The following NRG3 variants were observed in gnomAD, a reference collection of about 807,000 sequenced individuals.
NRG3 encodes neuregulin 3.
A neutral mutation model predicts 66.9 loss-of-function variants in NRG3; 31 were observed. The ratio of observed to expected loss-of-function variants is 0.46; its 90% CI spans 0.35 to 0.63. NRG3 has a LOEUF of 0.63. NRG3 is among the 20% of genes least tolerant of loss of function. NRG3 has a pLI of 0.00. For missense variants in NRG3, 910 were observed against 878.9 expected (o/e 1.04, Z -0.45); for synonymous variants, 393 against 359.4 (o/e 1.09, Z -1.06).
chr10:82,002,915 G>C (rs2061230018), intron 1 of NRG3, among the ~76,000 whole-genome samples: 1 of 152,226 alleles, frequency 6.6e-6, no homozygotes, highest in East Asian at 1.9e-4. Flanking sequence ...ATGCTTGGAA[G>C]AGGGGGAGAG....
chr10:82,457,038 G>C (rs779278332), intron 2 of NRG3, among the ~76,000 whole-genome samples: 3 of 152,040 alleles, frequency 2.0e-5, no homozygotes, highest in Non-Finnish European at 4.4e-5. Context: ...ACAGTATTAG[G>C]ATATCTTTGA....
At chr10:82,048,753 G>A (rs1399956437) in intron 1 of NRG3, among the ~76,000 whole-genome samples, 1 of 151,662 alleles carries the variant, frequency 6.6e-6, no homozygotes, top group Non-Finnish European at 1.5e-5. Context: ...TAAAATCAGA[G>A]CAGAACTGAA....
At chr10:82,581,502 A>G (rs1043501396) in intron 2 of NRG3, among the ~76,000 whole-genome samples, 1 of 152,030 alleles carries the variant, frequency 6.6e-6, no homozygotes, top group Non-Finnish European at 1.5e-5. Context: ...ATGGTACTTC[A>G]TATAAAATTA....
intron 2 of NRG3, among the ~76,000 whole-genome samples, chr10:82,574,326 G>A (rs1039106674): frequency 1.3e-5 from 2 of 151,746 alleles, no homozygotes; most frequent in African/African-American, 4.8e-5. Context: ...ATATGTGGGA[G>A]CTAAACAAGT....
intron 2 of NRG3, among the ~76,000 whole-genome samples, chr10:82,605,116 T>C (rs137881643): frequency 6.6e-6 from 1 of 152,202 alleles, no homozygotes; most frequent in East Asian, 1.9e-4. Context: ...TTACTTTGTT[T>C]CTGATCTTAG....
chr10:82,075,995 T>TA (rs2065071215), intron 1 of NRG3, among the ~76,000 whole-genome samples: 1 of 149,284 alleles, frequency 6.7e-6, no homozygotes, highest in Non-Finnish European at 1.5e-5. Flanking sequence ...AGGAAATGAG[T>TA]AAAAAGACTG....
chr10:82,743,110 G>A (rs2058499028), intron 3 of NRG3, among the ~76,000 whole-genome samples: 1 of 152,086 alleles, frequency 6.6e-6, no homozygotes. Flanking sequence ...CCCACCCTGT[G>A]CCTTTCTCTC....
At chr10:82,228,150 T>C (rs1414770) in intron 1 of NRG3, among the ~76,000 whole-genome samples, 6,233 of 152,268 alleles carry the variant, frequency 0.041, 176 homozygotes, top group Middle Eastern at 0.13. Context: ...TTCTAATTTA[T>C]GAATGCAATT....
intron 2 of NRG3, among the ~76,000 whole-genome samples, chr10:82,576,007 T>A (rs1272368915): frequency 6.6e-6 from 1 of 151,742 alleles, no homozygotes; most frequent in Non-Finnish European, 1.5e-5. Flanking sequence ...TGGAAGTGAC[T>A]ACAAAGTGAC....
chr10:82,563,496 T>C (rs1303831352), intron 2 of NRG3, among the ~76,000 whole-genome samples: 1 of 152,074 alleles, frequency 6.6e-6, no homozygotes, highest in Non-Finnish European at 1.5e-5. Flanking sequence ...AGATTTTTTC[T>C]AATTTTTTAT....
At position 81,875,898 on chromosome 10, in the gene NRG3, C is replaced by T; in HGVS notation, c.558C>T (p.Asn186=). 1 of 1,612,528 alleles carries T rather than the reference C, an allele frequency of 6.2e-7. No individual in the cohort carries two copies. The highest frequency in any genetic ancestry group is 8.5e-7 in the Non-Finnish European group (1 of 1,179,962). The change falls in exon 1 of 9, where the codon AAC becomes AAT. Residue 186 remains asparagine (N), a synonymous_variant. Coordinates refer to ENST00000372141, the MANE Select transcript of NRG3 (RefSeq NM_001010848.4). The surrounding 1 kb of genome is among the most constrained non-coding windows in gnomAD (Gnocchi z 5.3). ...RASPRSTTAR[N]TAAPATVPST... ...GCCCGCGCTCCACCACAGCACGGAA[C>T]ACTGCGGCCCCTGCGACGGTCCCGT... is the stretch of plus-strand genomic sequence containing the variant.
At chr10:82,268,608 G>A (rs533055685) in intron 1 of NRG3, among the ~76,000 whole-genome samples, 1 of 152,174 alleles carries the variant, frequency 6.6e-6, no homozygotes, top group African/African-American at 2.4e-5. Context: ...GAAAACAGCA[G>A]GTCCAAGTGT....
intron 3 of NRG3, among the ~76,000 whole-genome samples, chr10:82,766,418 C>T (rs1052399562): frequency 1.3e-5 from 2 of 152,082 alleles, no homozygotes; most frequent in African/African-American, 4.8e-5. Context: ...GAAAACACTT[C>T]TTTCACACTT....
chr10:82,366,902 T>C (rs914914654), intron 2 of NRG3, among the ~76,000 whole-genome samples: 1 of 152,186 alleles, frequency 6.6e-6, no homozygotes, highest in Non-Finnish European at 1.5e-5. Flanking sequence ...AAAATAAAAA[T>C]AATCTGCTTT....
At chr10:82,428,564 T>A (rs112339840) in intron 2 of NRG3, among the ~76,000 whole-genome samples, 272 of 152,164 alleles carry the variant, frequency 1.8e-3, no homozygotes, top group African/African-American at 6.1e-3. Flanking sequence ...TTTCATTGTG[T>A]TCAGAAAATA....
intron 2 of NRG3, among the ~76,000 whole-genome samples, chr10:82,622,506 G>A (rs577916495): frequency 2.8e-4 from 43 of 152,148 alleles, no homozygotes; most frequent in Non-Finnish European, 5.6e-4. Context: ...ACGCACAGAC[G>A]GCCTCTAACT....
intron 2 of NRG3, among the ~76,000 whole-genome samples, chr10:82,545,047 C>G (rs1212751851): frequency 1.3e-5 from 2 of 152,112 alleles, no homozygotes; most frequent in African/African-American, 4.8e-5. Flanking sequence ...CACCTGAAAT[C>G]TATCCCATTG....
chr10:82,407,858 C>T (rs1013090912), intron 2 of NRG3, among the ~76,000 whole-genome samples: 4 of 151,992 alleles, frequency 2.6e-5, no homozygotes, highest in African/African-American at 7.2e-5. Flanking sequence ...ATCATGAGGT[C>T]AGGAGTTCAA....
At chr10:82,118,193 G>T (rs2067848520) in intron 1 of NRG3, among the ~76,000 whole-genome samples, 1 of 149,150 alleles carries the variant, frequency 6.7e-6, no homozygotes, top group Non-Finnish European at 1.5e-5. Context: ...AGGCCAGAGT[G>T]ATTAGGCTTT....
Sources: allele counts gnomAD v4.1 joint callset (sites outside exome capture counted in the v4.1 genomes callset), GRCh38; gene constraint gnomAD v4.1.1; non-coding constraint Gnocchi (gnomAD v3.1); transcripts MANE v1.5; gene names NCBI Gene and HGNC (gene_info 2026-07-23, HGNC 2026-07-21).